Variants in CSNK2A2IP observed in about 807,000 individuals in gnomAD.
CSNK2A2IP encodes the protein casein kinase 2 subunit alpha' interacting protein.
the CSNK2A2IP span, among the ~76,000 whole-genome samples, chr3:88,422,717 T>TG: frequency 5.3e-5 from 8 of 152,208 alleles, no homozygotes; most frequent in Admixed American, 5.2e-4. Context: ...ACAAAGAGTT[T>TG]GAGTAAATTA....
chr3:88,466,537 A>T, the CSNK2A2IP span: 6 of 1,231,814 alleles, frequency 4.9e-6, no homozygotes, highest in Non-Finnish European at 4.0e-6. Context: ...CAGACTCCAG[A>T]GTAAAAGCAG....
the CSNK2A2IP span, among the ~76,000 whole-genome samples, chr3:88,448,389 C>G: frequency 6.6e-6 from 1 of 152,086 alleles, no homozygotes; most frequent in Non-Finnish European, 1.5e-5. Context: ...GTATTTATAC[C>G]TTTATCTCTA....
chr3:88,430,062 A>C, the CSNK2A2IP span, among the ~76,000 whole-genome samples: 2 of 152,026 alleles, frequency 1.3e-5, no homozygotes, highest in Non-Finnish European at 2.9e-5. Flanking sequence ...CGCCCGGCCG[A>C]GTAGGAACAT....
chr3:88,404,762 C>G, the CSNK2A2IP span, among the ~76,000 whole-genome samples: 1 of 127,742 alleles, frequency 7.8e-6, no homozygotes, highest in Non-Finnish European at 1.8e-5. Flanking sequence ...TTCCTTTGTC[C>G]AAACATCACC....
At chr3:88,431,742 A>AC in the CSNK2A2IP span, among the ~76,000 whole-genome samples, 1 of 152,200 alleles carries the variant, frequency 6.6e-6, no homozygotes, top group African/African-American at 2.4e-5. Flanking sequence ...TCTTCTGCCA[A>AC]CAGCAACAAA....
the CSNK2A2IP span, among the ~76,000 whole-genome samples, chr3:88,421,082 T>C: frequency 1.3e-5 from 2 of 152,152 alleles, no homozygotes; most frequent in East Asian, 3.9e-4. Context: ...CGAAGAGAGA[T>C]GTCTTAGCTT....
the CSNK2A2IP span, among the ~76,000 whole-genome samples, chr3:88,447,634 TTAG>T: frequency 6.6e-6 from 1 of 152,042 alleles, no homozygotes. Flanking sequence ...AAAGAAAAAC[TTAG>T]TAGTACAATC....
At chr3:88,383,930 T>G in the CSNK2A2IP span, among the ~76,000 whole-genome samples, 1 of 152,116 alleles carries the variant, frequency 6.6e-6, no homozygotes, top group African/African-American at 2.4e-5. Context: ...CCCAAAATGC[T>G]GGGATTACAG....
chr3:88,466,206 A>T, the CSNK2A2IP span: 1 of 1,231,668 alleles, frequency 8.1e-7, no homozygotes, highest in Non-Finnish European at 1.0e-6. Flanking sequence ...AAACACCTAT[A>T]TTGAACTCTA....
chr3:88,460,043 C>T, the CSNK2A2IP span, among the ~76,000 whole-genome samples: 4 of 151,906 alleles, frequency 2.6e-5, no homozygotes, highest in Non-Finnish European at 4.4e-5. Flanking sequence ...ATAGAACAAA[C>T]GGATAATTTT....
the CSNK2A2IP span, among the ~76,000 whole-genome samples, chr3:88,457,839 T>G: frequency 1.3e-5 from 2 of 152,030 alleles, no homozygotes; most frequent in Non-Finnish European, 2.9e-5. Context: ...TTGGCATTAT[T>G]TCTTTCTTAA....
At chr3:88,347,023 C>T in the CSNK2A2IP span, among the ~76,000 whole-genome samples, 4 of 151,926 alleles carry the variant, frequency 2.6e-5, no homozygotes, top group East Asian at 1.9e-4. Flanking sequence ...GATTCCAACC[C>T]GCATTGAGAA....
the CSNK2A2IP span, among the ~76,000 whole-genome samples, chr3:88,355,803 C>T: frequency 4.6e-5 from 7 of 152,100 alleles, no homozygotes; most frequent in Admixed American, 1.3e-4. Context: ...GACTAATGGT[C>T]TTGTGTGGGC....
the CSNK2A2IP span, among the ~76,000 whole-genome samples, chr3:88,440,294 T>A: frequency 6.6e-6 from 1 of 152,110 alleles, no homozygotes; most frequent in African/African-American, 2.4e-5. Context: ...TTTTTTGGAG[T>A]TGAGTTTTTT....
At chr3:88,403,031 C>T in the CSNK2A2IP span, among the ~76,000 whole-genome samples, 1 of 152,038 alleles carries the variant, frequency 6.6e-6, no homozygotes, top group African/African-American at 2.4e-5. Context: ...CTAATGATCT[C>T]ATGCATAATC....
chr3:88,377,993 T>C, the CSNK2A2IP span, among the ~76,000 whole-genome samples: 10,276 of 151,930 alleles, frequency 0.068, 1,003 homozygotes, highest in African/African-American at 0.21. Flanking sequence ...TTCACATACC[T>C]CAAAACTACA....
chr3:88,350,201 C>T, the CSNK2A2IP span, among the ~76,000 whole-genome samples: 1 of 152,084 alleles, frequency 6.6e-6, no homozygotes, highest in African/African-American at 2.4e-5. Flanking sequence ...GTAACTGTCC[C>T]TTTCTCATGA....
chr3:88,338,947 T>A, the CSNK2A2IP span, among the ~76,000 whole-genome samples: 3 of 152,244 alleles, frequency 2.0e-5, no homozygotes, highest in East Asian at 3.9e-4. Flanking sequence ...ACATAATAGT[T>A]GTCTGTATGT....
the CSNK2A2IP span, among the ~76,000 whole-genome samples, chr3:88,413,785 G>C: frequency 6.6e-6 from 1 of 151,732 alleles, no homozygotes; most frequent in Non-Finnish European, 1.5e-5. Flanking sequence ...ATGTGGCATG[G>C]GGATGAGAAG....
Sources: allele counts gnomAD v4.1 joint callset (sites outside exome capture counted in the v4.1 genomes callset), GRCh38; gene constraint gnomAD v4.1.1; transcripts MANE v1.5; gene names NCBI Gene and HGNC (gene_info 2026-07-23, HGNC 2026-07-21).